Variants in CNST observed in about 807,000 individuals in gnomAD.
CNST encodes consortin.
Under a neutral mutation model 72.4 loss-of-function variants are expected in CNST, and 39 were observed. The ratio of observed to expected loss-of-function variants is 0.54; its 90% CI spans 0.42 to 0.70. CNST has a LOEUF of 0.70. Among genes scored for constraint, CNST ranks in the 30% least tolerant of loss-of-function variants. CNST has a pLI of 0.00. For synonymous variants in CNST, 332 were observed against 320.1 expected, an observed-to-expected ratio of 1.04 and a Z score of -0.40; for missense variants, 871 against 868.5, an observed-to-expected ratio of 1.00 and a Z score of -0.04.
intron 2 of CNST, among the ~76,000 whole-genome samples, chr1:246,602,685 A>G (rs1205561682): frequency 6.6e-6 from 1 of 152,216 alleles, no homozygotes; most frequent in Non-Finnish European, 1.5e-5. Context: ...AAAGGGCACA[A>G]ATACCAAGAG....
intron 2 of CNST, among the ~76,000 whole-genome samples, chr1:246,603,928 G>A (rs1022884434): frequency 4.6e-5 from 7 of 152,136 alleles, no homozygotes; most frequent in South Asian, 4.1e-4. Context: ...CAGTAAAGCC[G>A]TTAAAAGAAA....
chr1:246,610,709 A>G (rs186843566), intron 2 of CNST, among the ~76,000 whole-genome samples: 5 of 152,218 alleles, frequency 3.3e-5, no homozygotes, highest in African/African-American at 1.2e-4. Flanking sequence ...ACACTTAGCC[A>G]GGTCATCTAT....
intron 9 of CNST, among the ~76,000 whole-genome samples, chr1:246,649,161 GT>G (rs58577110): frequency 0.69 from 93,128 of 134,404 alleles, 31,964 homozygotes; most frequent in East Asian, 0.84. Context: ...CTGTTGTTTT[GT>G]TTTTTTTTTT....
At chr1:246,585,653 A>AT (rs1661097750) in intron 1 of CNST, among the ~76,000 whole-genome samples, 1 of 90,982 alleles carries the variant, frequency 1.1e-5, no homozygotes, top group African/African-American at 6.2e-5. Flanking sequence ...AAAAAAAAAA[A>AT]AAAAAAAAAA....
At chr1:246,644,991 C>T (rs1665950782) in intron 8 of CNST, among the ~76,000 whole-genome samples, 2 of 152,162 alleles carry the variant, frequency 1.3e-5, no homozygotes, top group African/African-American at 4.8e-5. Flanking sequence ...GCCTTACAAA[C>T]TTTGAGTGAT....
intron 6 of CNST, among the ~76,000 whole-genome samples, chr1:246,636,791 C>G (rs563831359): frequency 6.6e-6 from 1 of 152,158 alleles, no homozygotes; most frequent in East Asian, 1.9e-4. Context: ...CATTCCTCGA[C>G]TAAGGTTCCA....
intron 2 of CNST, among the ~76,000 whole-genome samples, chr1:246,611,645 G>A (rs971080274): frequency 6.6e-6 from 1 of 152,158 alleles, no homozygotes; most frequent in African/African-American, 2.4e-5. Flanking sequence ...TCAAGACACT[G>A]GTTGAGATAG....
At chr1:246,653,899 A>G (rs999701792) in intron 9 of CNST, among the ~76,000 whole-genome samples, 4 of 152,214 alleles carry the variant, frequency 2.6e-5, no homozygotes, top group East Asian at 3.9e-4. Flanking sequence ...GTCAGGTATT[A>G]GAAGTCAATG....
Position 246,619,918 on chromosome 1 carries a change from CGAT to C in CNST, c.380-1509_380-1507del, listed in dbSNP as rs1161465331. Among the ~76,000 whole-genome samples, 186 of 134,752 alleles carry C rather than the reference CGAT, an allele frequency of 1.4e-3. 1 individual carries two copies. Among genetic ancestry groups the C allele is most frequent in the African/African-American group, 5.0e-3 (173 of 34,582 alleles). The allele number at this position is 134,752 out of a possible 152,430, so 88.4% of individuals were successfully genotyped here. A position where few individuals can be genotyped will look rare whatever the true frequency, so the allele number is the denominator to read the frequency against. On this transcript the variant is annotated intron_variant, in intron 2 of 10. Coordinates refer to ENST00000366513, the MANE Select transcript of CNST (RefSeq NM_152609.3). ...GGACGGCTTCAGTCGTGCATACACA[CGAT>C]GGGCTCTGGGAACACTACAGGGAGG...
At position 246,667,943 on chromosome 1, in the gene CNST, G is replaced by A. The variant is rs1452728464; in HGVS notation, c.*2038G>A. On this transcript the variant is annotated 3_prime_UTR_variant, in exon 11 of 11. Transcript: ENST00000366513. ...TTCCTCTGAACCCAACATCTCCTGG[G>A]GACCTTCGCAGCAAGAGGAAAGCAC... The A allele has an allele frequency of 6.6e-6, 1 of 152,160 alleles. No individual in the cohort carries two copies. The highest frequency in any genetic ancestry group is 6.6e-5 in the Admixed American group (1 of 15,264). 9.4% of individuals were successfully genotyped at this position (152,160 alleles called of 1,614,324 possible).
rs1667026285 is a variant in CNST, at chr1:246,660,343, CT to C, written c.1972+11del. Reference sequence around the variant, plus strand: ...CGATAGCTTGGATCAAGGTAAACCGCTTGGCACTGTGGCTAGCAGGATAGAT... The same window carrying C: ...CGATAGCTTGGATCAAGGTAAACCGCTGGCACTGTGGCTAGCAGGATAGAT... On this transcript the variant is annotated intron_variant, in intron 10 of 10. Coordinates refer to ENST00000366513, the MANE Select transcript of CNST (RefSeq NM_152609.3). The C allele has an allele frequency of 1.2e-6, 2 of 1,610,612 alleles. No homozygotes were observed. The highest frequency in any genetic ancestry group is 1.7e-6 in the Non-Finnish European group (2 of 1,179,042).
rs145621847 is a variant in CNST, at chr1:246,616,017, T to C, written c.380-5412T>C. Among the ~76,000 whole-genome samples, 67 of 152,316 alleles carry C rather than the reference T, an allele frequency of 4.4e-4. 2 individuals are homozygous for C. Among genetic ancestry groups the C allele is most frequent in the African/African-American group, 1.5e-3 (63 of 41,580 alleles). ...GCCTGTTACTGTCTTTAAATACTTATAAATAGCATCACCAAGTTATTTAAT... is the reference window on the plus strand; with the variant it reads ...GCCTGTTACTGTCTTTAAATACTTACAAATAGCATCACCAAGTTATTTAAT... On this transcript the variant is annotated intron_variant, in intron 2 of 10. Transcript: ENST00000366513.
intron 2 of CNST, among the ~76,000 whole-genome samples, chr1:246,618,167 T>C (rs1282691290): frequency 6.6e-6 from 1 of 152,258 alleles, no homozygotes; most frequent in Non-Finnish European, 1.5e-5. Flanking sequence ...AGTAATGGTC[T>C]GCATTTCTTA....
At chr1:246,633,810 CCT>C (rs1664950979) in intron 4 of CNST, 112 bp from the exon 5 acceptor site, 10 of 631,868 alleles carry the variant, frequency 1.6e-5, no homozygotes, top group Non-Finnish European at 2.9e-5. Flanking sequence ...TATTTAGAGT[CCT>C]CTCATGTTTT....
At chr1:246,638,190 C>T (rs1417734220) in intron 6 of CNST, among the ~76,000 whole-genome samples, 1 of 152,204 alleles carries the variant, frequency 6.6e-6, no homozygotes, top group Non-Finnish European at 1.5e-5. Flanking sequence ...GAGAAGCGCC[C>T]TTCCTTGATG....
intron 9 of CNST, among the ~76,000 whole-genome samples, chr1:246,657,643 C>G (rs961266207): frequency 6.6e-5 from 10 of 152,140 alleles, no homozygotes; most frequent in African/African-American, 2.4e-4. Flanking sequence ...TAAGGTGGGA[C>G]CACCTGACAA....
intron 2 of CNST, 150 bp from the exon 3 acceptor site, chr1:246,621,279 G>A: frequency 3.0e-6 from 2 of 672,518 alleles, no homozygotes; most frequent in East Asian, 5.0e-5. Context: ...AACTTCTTTA[G>A]TGGTTTCATA....
At chr1:246,600,593 C>T (rs1318149330) in intron 2 of CNST, among the ~76,000 whole-genome samples, 2 of 152,076 alleles carry the variant, frequency 1.3e-5, no homozygotes, top group Non-Finnish European at 2.9e-5. Context: ...AAAAAAGAGT[C>T]CAGGATAATC....
rs939198022 is a variant in CNST at position 246,641,639 on chromosome 1, A to G, written c.819-110A>G. 1.2e-5 allele frequency: 8 copies of G among 673,700 alleles called. No homozygotes were observed. The African/African-American group carries it at 1.3e-4, about 11-fold the overall frequency. 41.7% of individuals were successfully genotyped at this position (673,700 alleles called of 1,614,324 possible). A position where few individuals can be genotyped will look rare whatever the true frequency, so the allele number is the denominator to read the frequency against. On this transcript the variant is annotated intron_variant, in intron 6 of 10. Coordinates refer to ENST00000366513, the MANE Select transcript of CNST (RefSeq NM_152609.3). ...CGTGGAAATGTTCTGTGCTAATATTAGAATCCAGAGAAGCTGTATTTTTTT... is the reference window on the plus strand; with the variant it reads ...CGTGGAAATGTTCTGTGCTAATATTGGAATCCAGAGAAGCTGTATTTTTTT...
Sources: allele counts gnomAD v4.1 joint callset (sites outside exome capture counted in the v4.1 genomes callset), GRCh38; gene constraint gnomAD v4.1.1; transcripts MANE v1.5; gene names NCBI Gene and HGNC (gene_info 2026-07-23, HGNC 2026-07-21).